The following HIVEP3 variants were observed in gnomAD, a reference collection of about 807,000 sequenced individuals.
HIVEP3 encodes HIVEP zinc finger 3.
Under a neutral mutation model 152.8 loss-of-function variants are expected in HIVEP3, and 49 were observed. The ratio of observed to expected loss-of-function variants is 0.32; its 90% confidence interval spans 0.26 to 0.41. The LOEUF is 0.41. Among genes scored for constraint, HIVEP3 ranks in the 10% least tolerant of loss-of-function variants. HIVEP3 has a pLI of 1.00. For missense variants in HIVEP3, 2,790 were observed against 3,103.3 expected, an observed-to-expected ratio of 0.90 and a Z score of 2.40; for synonymous variants, 1,269 against 1,289.0, an observed-to-expected ratio of 0.98 and a Z score of 0.33.
chr1:41,792,127 G>C (rs1237826286), intron 1 of HIVEP3, among the ~76,000 whole-genome samples: 1 of 152,172 alleles, frequency 6.6e-6, no homozygotes, highest in Non-Finnish European at 1.5e-5. Flanking sequence ...GTACCTCCGA[G>C]GTCCTGAGTT....
intron 1 of HIVEP3, among the ~76,000 whole-genome samples, chr1:41,909,140 G>C (rs1488446843): frequency 6.6e-6 from 1 of 152,046 alleles, no homozygotes; most frequent in Admixed American, 6.5e-5. Flanking sequence ...GTGTTGGAGA[G>C]AAAATAACTG....
chr1:41,833,967 A>T (rs1643043329), intron 1 of HIVEP3, among the ~76,000 whole-genome samples: 1 of 152,070 alleles, frequency 6.6e-6, no homozygotes, highest in African/African-American at 2.4e-5. Flanking sequence ...ACCTGGTGTG[A>T]CCCTAGCAAG....
intron 1 of HIVEP3, among the ~76,000 whole-genome samples, chr1:41,752,199 C>T (rs1301775547): frequency 2.0e-5 from 3 of 152,184 alleles, no homozygotes; most frequent in African/African-American, 4.8e-5. Flanking sequence ...AGAATGAATC[C>T]GGATGACTGA....
intron 1 of HIVEP3, among the ~76,000 whole-genome samples, chr1:41,963,415 T>A (rs1435041846): frequency 6.6e-6 from 1 of 151,880 alleles, no homozygotes; most frequent in Non-Finnish European, 1.5e-5. Flanking sequence ...GCTTCATCCA[T>A]GTCCTTACAA....
intron 2 of HIVEP3, among the ~76,000 whole-genome samples, chr1:41,649,427 C>A (rs1230022892): frequency 6.6e-6 from 1 of 152,236 alleles, no homozygotes; most frequent in Admixed American, 6.5e-5. Flanking sequence ...AGTCAACAGG[C>A]CACACTGCAA....
intron 2 of HIVEP3, among the ~76,000 whole-genome samples, chr1:41,631,667 A>G (rs751358850): frequency 2.2e-4 from 33 of 152,116 alleles, no homozygotes; most frequent in Non-Finnish European, 4.0e-4. Context: ...CCAGGGCAGC[A>G]TCGCAGCACC....
chr1:41,828,454 T>C (rs1475600912), intron 1 of HIVEP3, among the ~76,000 whole-genome samples: 1 of 152,266 alleles, frequency 6.6e-6, no homozygotes, highest in Non-Finnish European at 1.5e-5. Flanking sequence ...GCCTTTTGAC[T>C]GTTTCCAAAA....
chr1:41,799,423 C>T (rs1449896438), intron 1 of HIVEP3, among the ~76,000 whole-genome samples: 1 of 152,310 alleles, frequency 6.6e-6, no homozygotes, highest in Non-Finnish European at 1.5e-5. Flanking sequence ...AATGCTGTTC[C>T]CTGCTGTCCT....
intron 1 of HIVEP3, among the ~76,000 whole-genome samples, chr1:41,991,080 C>A (rs1270005360): frequency 4.3e-4 from 63 of 147,490 alleles, no homozygotes; most frequent in Non-Finnish European, 7.4e-4. Context: ...CCTAACATCA[C>A]AATTAAAAGA....
intron 8 of HIVEP3, 85 bp downstream of exon 8, chr1:41,512,731 A>C: frequency 1.8e-6 from 2 of 1,099,842 alleles, no homozygotes; most frequent in Non-Finnish European, 2.5e-6. Context: ...GTTTAGTTCC[A>C]GGTGTGATAC....
At chr1:41,765,663 C>T (rs1245737410) in intron 1 of HIVEP3, among the ~76,000 whole-genome samples, 2 of 152,144 alleles carry the variant, frequency 1.3e-5, no homozygotes, top group Non-Finnish European at 2.9e-5. Flanking sequence ...AGCTGTAAGC[C>T]TTAGACCTTC....
intron 2 of HIVEP3, among the ~76,000 whole-genome samples, chr1:41,644,481 T>C (rs1355518255): frequency 6.6e-6 from 1 of 152,186 alleles, no homozygotes; most frequent in African/African-American, 2.4e-5. Context: ...AGGAGGTTGA[T>C]TTCTTTACCA....
At chr1:41,910,390 A>T (rs1644776986) in intron 1 of HIVEP3, among the ~76,000 whole-genome samples, 1 of 152,024 alleles carries the variant, frequency 6.6e-6, no homozygotes, top group Non-Finnish European at 1.5e-5. Context: ...AATACCCATG[A>T]TCTATTGAAG....
intron 1 of HIVEP3, among the ~76,000 whole-genome samples, chr1:41,954,967 T>TG (rs1484402482): frequency 2.6e-5 from 4 of 151,744 alleles, no homozygotes; most frequent in South Asian, 2.1e-4. Context: ...CTTCCAGGTT[T>TG]TTTTTTTTTT....
chr1:41,576,629 C>T (rs528497638), intron 4 of HIVEP3, among the ~76,000 whole-genome samples: 2 of 152,298 alleles, frequency 1.3e-5, no homozygotes, highest in African/African-American at 4.8e-5. Flanking sequence ...TTTCCTGATG[C>T]TGGGGCAATC....
intron 1 of HIVEP3, among the ~76,000 whole-genome samples, chr1:41,777,625 G>A (rs566321410): frequency 1.8e-4 from 27 of 152,330 alleles, no homozygotes; most frequent in Admixed American, 1.0e-3. Context: ...TTCGCTTTCC[G>A]TGTGTGCAGA....
rs532626230 is a variant in HIVEP3, at chr1:41,897,394, G to A, written c.-801+21019C>T. 4.6e-5 allele frequency among the ~76,000 whole-genome samples: 7 copies of A among 152,272 alleles called. No homozygotes were observed. In the East Asian group the frequency reaches 9.6e-4, roughly 21 times the overall value. ...AATGAAGAGGTGGAGCCTATAGGAAGTGATGAGGTCATGAGGGCTGGGATT... is the reference window on the plus strand; with the variant it reads ...AATGAAGAGGTGGAGCCTATAGGAAATGATGAGGTCATGAGGGCTGGGATT... On this transcript the variant is annotated intron_variant, in intron 1 of 8. Transcript: ENST00000372583.
Position 41,547,117 on chromosome 1 carries a change from G to A in HIVEP3, c.5208-22207C>T, listed in dbSNP as rs1341596063. Among the ~76,000 whole-genome samples the A allele has an allele frequency of 2.0e-5, 3 of 152,144 alleles. No homozygotes were observed. The South Asian group carries it at 6.2e-4, about 31-fold the overall frequency. ...GACACTGAGCTAAGAGAGGCACAGT[G>A]ACTTGCCCTCAGCCACACAGCTAGT... On this transcript the variant is annotated intron_variant, in intron 5 of 8. Transcript: ENST00000372583.
At chr1:41,644,175 C>T (rs548349879) in intron 2 of HIVEP3, among the ~76,000 whole-genome samples, 4 of 152,072 alleles carry the variant, frequency 2.6e-5, no homozygotes, top group South Asian at 2.1e-4. Flanking sequence ...TGTGAGCCAC[C>T]GTGCCTGGCA....
Sources: allele counts gnomAD v4.1 joint callset (sites outside exome capture counted in the v4.1 genomes callset), GRCh38; gene constraint gnomAD v4.1.1; transcripts MANE v1.5; gene names NCBI Gene and HGNC (gene_info 2026-07-23, HGNC 2026-07-21).